Variants in CACNA1D observed in about 807,000 individuals in gnomAD.
CACNA1D encodes the protein voltage-dependent L-type calcium channel subunit alpha-1D.
CACNA1D carries 55 observed loss-of-function variants against 257.1 expected under a neutral mutation model. The observed-to-expected ratio is 0.21, with a 90% confidence interval of 0.17 to 0.27. The LOEUF is 0.27. CACNA1D is among the 10% of genes least tolerant of loss of function. The pLI is 1.00. For missense variants in CACNA1D, 1,876 were observed against 2,784.0 expected (o/e 0.67, Z 7.34); for synonymous variants, 980 against 1,014.9 (o/e 0.97, Z 0.65).
At chr3:53,651,132 C>T (rs1035472595) in intron 4 of CACNA1D, among the ~76,000 whole-genome samples, 6 of 152,030 alleles carry the variant, frequency 3.9e-5, no homozygotes, top group Non-Finnish European at 5.9e-5. Flanking sequence ...TTGTTACTCC[C>T]GTTTTTAGTA....
chr3:53,729,442 A>G (rs2094966887), intron 15 of CACNA1D, among the ~76,000 whole-genome samples: 1 of 152,138 alleles, frequency 6.6e-6, no homozygotes, highest in African/African-American at 2.4e-5. Flanking sequence ...GGGCTCCTGC[A>G]GTTTTGCCTG....
chr3:53,794,186 G>A (rs548181820), intron 40 of CACNA1D, among the ~76,000 whole-genome samples: 5 of 152,202 alleles, frequency 3.3e-5, no homozygotes, highest in African/African-American at 7.2e-5. Flanking sequence ...GTGATGTGAC[G>A]TAGTAGTAAA....
chr3:53,571,752 T>C (rs976433570), intron 3 of CACNA1D, among the ~76,000 whole-genome samples: 1 of 152,190 alleles, frequency 6.6e-6, no homozygotes, highest in Non-Finnish European at 1.5e-5. Context: ...CCGCAATTTG[T>C]GTCTCTGCAT....
chr3:53,662,071 G>C (rs1439297490), intron 5 of CACNA1D, among the ~76,000 whole-genome samples: 1 of 152,154 alleles, frequency 6.6e-6, no homozygotes, highest in Admixed American at 6.5e-5. Context: ...GTGGCCTGCT[G>C]ATTTCTTCTC....
intron 3 of CACNA1D, among the ~76,000 whole-genome samples, chr3:53,544,939 C>T (rs1262428654): frequency 6.6e-6 from 1 of 152,192 alleles, no homozygotes; most frequent in Non-Finnish European, 1.5e-5. Flanking sequence ...GAGATGAGCA[C>T]ATGCAGCATT....
intron 38 of CACNA1D, among the ~76,000 whole-genome samples, chr3:53,781,155 A>T (rs923553180): frequency 6.6e-6 from 1 of 152,224 alleles, no homozygotes; most frequent in African/African-American, 2.4e-5. Flanking sequence ...AGGAATTGAG[A>T]GTCTTATTTG....
intron 3 of CACNA1D, among the ~76,000 whole-genome samples, chr3:53,579,098 C>G (rs1380008544): frequency 6.6e-6 from 1 of 152,226 alleles, no homozygotes; most frequent in East Asian, 1.9e-4. Context: ...GAGCTGTCCT[C>G]TAAGTCAGGC....
chr3:53,652,665 C>A (rs1252992422), intron 4 of CACNA1D, among the ~76,000 whole-genome samples: 1 of 152,220 alleles, frequency 6.6e-6, no homozygotes, highest in Non-Finnish European at 1.5e-5. Flanking sequence ...CCCCACAGGG[C>A]CACTGGTAGT....
At position 53,673,673 on chromosome 3, in the gene CACNA1D, T is replaced by C. The variant is rs756141336; in HGVS notation, c.1220+547T>C. ...CTGCAACTGGGGCTCTGCTCTTTAGTAAATGGATAACTGATAACTGATCTC... is the reference window on the plus strand; with the variant it reads ...CTGCAACTGGGGCTCTGCTCTTTAGCAAATGGATAACTGATAACTGATCTC... On this transcript the variant is annotated intron_variant, in intron 8 of 47. Coordinates refer to ENST00000350061, the MANE Select transcript of CACNA1D (RefSeq NM_001128840.3). This position sits in a 1 kb window ranked among gnomAD's most constrained non-coding sequence, Gnocchi z 4.1. The C allele has an allele frequency of 1.4e-6, 2 of 1,466,966 alleles. No individual in the cohort carries two copies. The highest frequency in any genetic ancestry group is 2.3e-5 in the South Asian group (2 of 88,114). The allele number at this position is 1,466,966 out of a possible 1,614,324, so 90.9% of individuals were successfully genotyped here.
intron 8 of CACNA1D, 94 bp from the exon 9 acceptor site, chr3:53,702,547 C>T: frequency 8.3e-6 from 10 of 1,206,236 alleles, no homozygotes; most frequent in Admixed American, 1.7e-5. Context: ...GCTGTGTGTC[C>T]TGCCCACAAG....
chr3:53,681,183 CA>C (rs960408719), intron 8 of CACNA1D, among the ~76,000 whole-genome samples: 1 of 152,182 alleles, frequency 6.6e-6, no homozygotes, highest in Non-Finnish European at 1.5e-5. Flanking sequence ...CTGGAAAAAA[CA>C]AAACAGCTTT....
rs1457192061 is a variant in CACNA1D at position 53,701,723 on chromosome 3, A to G, written c.1221-918A>G. On this transcript the variant is annotated intron_variant, in intron 8 of 47. Coordinates refer to ENST00000350061, the MANE Select transcript of CACNA1D (RefSeq NM_001128840.3). ...GTTGGAGATGCAGATGGTTCCTCAT[A>G]TATAAAAATTGGGTAATCGTCCACC... 2.6e-5 allele frequency among the ~76,000 whole-genome samples: 4 copies of G among 152,218 alleles called. No homozygotes were observed. In the East Asian group the frequency reaches 7.7e-4, roughly 29 times the overall value.
intron 15 of CACNA1D, among the ~76,000 whole-genome samples, chr3:53,729,351 C>T (rs563550483): frequency 2.4e-4 from 36 of 152,268 alleles, no homozygotes; most frequent in African/African-American, 7.9e-4. Flanking sequence ...TGTTGGTTTA[C>T]GTGTTCAGCA....
intron 3 of CACNA1D, among the ~76,000 whole-genome samples, chr3:53,503,424 G>A (rs2090687008): frequency 6.6e-6 from 1 of 152,254 alleles, no homozygotes; most frequent in South Asian, 2.1e-4. Context: ...GCCACAGATG[G>A]TGTTAGCCTT....
At chr3:53,553,866 C>G (rs1246370777) in intron 3 of CACNA1D, among the ~76,000 whole-genome samples, 1 of 151,046 alleles carries the variant, frequency 6.6e-6, no homozygotes, top group East Asian at 1.9e-4. Flanking sequence ...TAGGAGCTTT[C>G]CATACTAGAT....
At chr3:53,665,876 T>C in intron 6 of CACNA1D, 64 bp downstream of exon 6, 1 of 1,337,876 alleles carries the variant, frequency 7.5e-7, no homozygotes, top group Admixed American at 1.7e-5. Flanking sequence ...AAAGCAACTT[T>C]CATGGTTTGG....
chr3:53,653,620 A>T (rs1336807816), intron 4 of CACNA1D, among the ~76,000 whole-genome samples: 1 of 152,196 alleles, frequency 6.6e-6, no homozygotes, highest in Non-Finnish European at 1.5e-5. Flanking sequence ...AGGAAAAAAT[A>T]TCAGGGAATT....
At chr3:53,541,303 A>C (rs543134729) in intron 3 of CACNA1D, among the ~76,000 whole-genome samples, 9 of 152,232 alleles carry the variant, frequency 5.9e-5, no homozygotes, top group Non-Finnish European at 1.0e-4. Context: ...AATTATCTGG[A>C]TATGAAGTAA....
chr3:53,602,621 T>C (rs891104167), intron 3 of CACNA1D, among the ~76,000 whole-genome samples: 1 of 152,234 alleles, frequency 6.6e-6, no homozygotes, highest in South Asian at 2.1e-4. Context: ...GCATCTGTTA[T>C]TCCCTGTATT....
Sources: gnomAD v4.1 joint callset for allele counts (sites outside exome capture counted in the v4.1 genomes callset) on GRCh38, gnomAD v4.1.1 for gene constraint, Gnocchi (gnomAD v3.1) non-coding constraint, MANE v1.5 for transcripts, NCBI Gene and HGNC (gene_info 2026-07-23, HGNC 2026-07-21) for gene names.